Variants in TANC1 observed in about 807,000 individuals in gnomAD.
TANC1 encodes the protein tetratricopeptide repeat, ankyrin repeat and coiled-coil containing 1.
A neutral mutation model predicts 149.7 loss-of-function variants in TANC1; 77 were observed. That is an observed-to-expected ratio of 0.51 (90% confidence interval 0.43 to 0.62). TANC1 has a LOEUF of 0.62. Among genes scored for constraint, TANC1 ranks in the 20% least tolerant of loss-of-function variants. TANC1 has a pLI of 0.00. For missense variants in TANC1, 1,985 were observed against 2,321.8 expected (o/e 0.85, Z 2.98); for synonymous variants, 854 against 925.0 (o/e 0.92, Z 1.39).
chr2:159,217,946 G>A (rs529369312), intron 20 of TANC1, among the ~76,000 whole-genome samples: 3 of 152,354 alleles, frequency 2.0e-5, no homozygotes, highest in Admixed American at 6.5e-5. Context: ...CATATGTGCT[G>A]TTGTAGTTTG....
At chr2:158,990,225 A>G (rs998869030) in intron 1 of TANC1, among the ~76,000 whole-genome samples, 4 of 152,170 alleles carry the variant, frequency 2.6e-5, no homozygotes, top group Non-Finnish European at 4.4e-5. Context: ...CGTGAGCCAC[A>G]GCACCCGGCC....
chr2:159,148,685 T>G (rs2052428509), intron 5 of TANC1: 1 of 152,574 alleles, frequency 6.6e-6, no homozygotes, highest in Non-Finnish European at 1.5e-5. Flanking sequence ...CTGGCTTGTT[T>G]AATGAGAGCT....
intron 1 of TANC1, among the ~76,000 whole-genome samples, chr2:158,981,192 C>T (rs2034269395): frequency 6.6e-6 from 1 of 151,940 alleles, no homozygotes; most frequent in African/African-American, 2.4e-5. Context: ...GAGTCAGACA[C>T]ACCTGTAATC....
intron 2 of TANC1, among the ~76,000 whole-genome samples, chr2:159,062,779 A>G (rs974691820): frequency 6.6e-6 from 1 of 150,684 alleles, no homozygotes; most frequent in African/African-American, 2.4e-5. Flanking sequence ...CATCCTGGCT[A>G]ACAAGGTGAA....
intron 4 of TANC1, among the ~76,000 whole-genome samples, chr2:159,110,974 C>T (rs547477172): frequency 5.8e-4 from 89 of 152,330 alleles, no homozygotes; most frequent in African/African-American, 1.9e-3. Context: ...TCTAGCCCTG[C>T]TGCCAGCTTC....
chr2:159,132,763 G>C (rs1317799589), intron 4 of TANC1, among the ~76,000 whole-genome samples: 1 of 151,428 alleles, frequency 6.6e-6, no homozygotes, highest in Admixed American at 6.6e-5. Flanking sequence ...CAAAGTGCTG[G>C]GATTACAGGC....
chr2:159,019,653 G>GTTTTTTTTTTTTTTTTTTT (rs55746240), intron 2 of TANC1, among the ~76,000 whole-genome samples: 4 of 73,300 alleles, frequency 5.5e-5, no homozygotes, highest in Non-Finnish European at 1.0e-4. Context: ...CTTTCTTTCT[G>GTTTTTTTTTTTTTTTTTTT]TTTTTTTTTT....
intron 1 of TANC1, among the ~76,000 whole-genome samples, chr2:158,993,966 A>G (rs1213732383): frequency 5.3e-5 from 8 of 152,228 alleles, no homozygotes; most frequent in Non-Finnish European, 8.8e-5. Context: ...TTTAAAGAGT[A>G]CTTAAAAATT....
chr2:159,067,060 T>C (rs264656), intron 3 of TANC1, among the ~76,000 whole-genome samples: 56,904 of 152,040 alleles, frequency 0.37, 10,817 homozygotes, highest in Middle Eastern at 0.41. Flanking sequence ...TGTCAAATAA[T>C]GTTTCAGTTT....
intron 1 of TANC1, among the ~76,000 whole-genome samples, chr2:158,992,669 A>ATTTTTTTTTTTTTT (rs70994251): frequency 8.9e-5 from 10 of 112,480 alleles, no homozygotes; most frequent in African/African-American, 1.7e-4. Context: ...TGCCCAGCTA[A>ATTTTTTTTTTTTTT]TTTTTTTTTT....
Position 159,140,038 on chromosome 2 carries a change from T to G in TANC1, c.364+3740T>G, listed in dbSNP as rs148805221. ...AGGAGTTTGATACCAGCCTGGACAATGTAGCAAGGCCTCATATCAACAAAA... is the reference window on the plus strand; with the variant it reads ...AGGAGTTTGATACCAGCCTGGACAAGGTAGCAAGGCCTCATATCAACAAAA... On this transcript the variant is annotated intron_variant, in intron 5 of 26. Transcript: ENST00000263635. Among the ~76,000 whole-genome samples the G allele has an allele frequency of 5.3e-5, 8 of 152,008 alleles. No homozygotes were observed. In the East Asian group the frequency reaches 1.6e-3, roughly 29 times the overall value.
intron 16 of TANC1, among the ~76,000 whole-genome samples, chr2:159,192,364 G>T (rs1316150785): frequency 6.6e-6 from 1 of 151,966 alleles, no homozygotes; most frequent in African/African-American, 2.4e-5. Context: ...GCCCATGTTG[G>T]TCTCAAACTC....
At chr2:159,088,063 C>T (rs984990587) in intron 3 of TANC1, among the ~76,000 whole-genome samples, 4 of 151,190 alleles carry the variant, frequency 2.6e-5, no homozygotes, top group African/African-American at 9.7e-5. Context: ...TTGCCTGATA[C>T]CTTGATGTTG....
chr2:159,149,174 C>T lies in TANC1; in HGVS notation c.397C>T (p.Pro133Ser), dbSNP rs2150310899. Residue 133 changes from proline (P) to serine (S), a missense_variant, in exon 6 of 27, where the codon CCG becomes TCG. By Grantham distance (74) the Pro-to-Ser change is moderately conservative. Transcript: ENST00000263635. Reference protein sequence around the residue: ...AKADNEPSCSPAAQELLTRLG... With the variant: ...AKADNEPSCSSAAQELLTRLG... ...GGCCGATAATGAACCGAGCTGTTCG[C>T]CGGCAGCTCAAGAACTGTTGACAAG... 3 of 1,610,290 alleles carry T rather than the reference C, an allele frequency of 1.9e-6. No individual in the cohort carries two copies. The highest frequency in any genetic ancestry group is 4.5e-5 in the East Asian group (2 of 44,816).
At chr2:159,173,164 C>T (rs893835923) in intron 11 of TANC1, among the ~76,000 whole-genome samples, 3 of 152,162 alleles carry the variant, frequency 2.0e-5, no homozygotes, top group African/African-American at 7.2e-5. Flanking sequence ...TTGACTGTGA[C>T]CCACATAAGA....
intron 19 of TANC1, among the ~76,000 whole-genome samples, chr2:159,213,954 C>T (rs1270830235): frequency 2.0e-5 from 3 of 151,860 alleles, no homozygotes; most frequent in Non-Finnish European, 2.9e-5. Flanking sequence ...GGTGAAACCC[C>T]ATCTCTACTA....
At chr2:159,170,470 C>T in intron 9 of TANC1, 54 bp from the exon 10 acceptor site, 9 of 1,484,006 alleles carry the variant, frequency 6.1e-6, no homozygotes, top group Non-Finnish European at 7.3e-6. Flanking sequence ...ATTTGAGTTT[C>T]TTAGTTTATA....
At chr2:159,219,549 C>A in intron 21 of TANC1, 143 bp from the exon 22 acceptor site, 1 of 1,271,412 alleles carries the variant, frequency 7.9e-7, no homozygotes, top group Non-Finnish European at 1.1e-6. Context: ...GACCATTCTG[C>A]CAGCCCATCC....
At chr2:159,167,517 G>T (rs546885044) in intron 8 of TANC1, among the ~76,000 whole-genome samples, 1 of 152,360 alleles carries the variant, frequency 6.6e-6, no homozygotes, top group South Asian at 2.1e-4. Flanking sequence ...GTAATTAGCT[G>T]AGTCTTTCTA....
Sources: allele counts gnomAD v4.1 joint callset (sites outside exome capture counted in the v4.1 genomes callset), GRCh38; gene constraint gnomAD v4.1.1; transcripts MANE v1.5; gene names NCBI Gene and HGNC (gene_info 2026-07-23, HGNC 2026-07-21).